Variants in FAM219A observed in about 807,000 individuals in gnomAD.
FAM219A encodes protein FAM219A.
FAM219A carries 7 observed loss-of-function variants against 23.4 expected under a neutral mutation model. The observed-to-expected ratio is 0.30, with a 90% CI of 0.17 to 0.56. FAM219A has a LOEUF of 0.56. Ranked by LOEUF, FAM219A falls within the 20% of genes least tolerant of loss-of-function variation. The probability of loss-of-function intolerance (pLI) is 0.92; values close to 1 mark genes in which losing one functional copy is unlikely to be tolerated. For missense variants in FAM219A, 166 were observed against 246.9 expected (o/e 0.67, Z 2.20); for synonymous variants, 93 against 99.0 (o/e 0.94, Z 0.36).
intron 1 of FAM219A, among the ~76,000 whole-genome samples, chr9:34,416,212 AAAGAAAGAAAGAAAGAAAG>A (rs1822002006): frequency 7.8e-6 from 1 of 127,958 alleles, no homozygotes; most frequent in Non-Finnish European, 1.7e-5. Flanking sequence ...AGAAAGAAAG[AAAGAAAGAAAGAAAGAAAG>A]AAAGAAAGAA....
chr9:34,455,252 C>G (rs7857444), intron 1 of FAM219A, among the ~76,000 whole-genome samples: 2,547 of 152,174 alleles, frequency 0.017, 66 homozygotes, highest in African/African-American at 0.056. Context: ...ATTGTTTAAA[C>G]TTTAAAGAGA....
Position 34,398,362 on chromosome 9 carries a change from C to T in FAM219A, c.*2602G>A. On this transcript the variant is annotated 3_prime_UTR_variant, in exon 6 of 6. Transcript: ENST00000651358. ...AAACCTGGCTGGGTGGCAGCCACAG[C>T]TGAGAGAGGAGGGAGTGTTAAGGCA... 6.4e-7 allele frequency: 1 copy of T among 1,550,586 alleles called. No individual in the cohort carries two copies. Among genetic ancestry groups the T allele is most frequent in the Non-Finnish European group, 8.7e-7 (1 of 1,146,914 alleles).
chr9:34,429,723 C>T (rs1384221745), intron 1 of FAM219A, among the ~76,000 whole-genome samples: 1 of 152,114 alleles, frequency 6.6e-6, no homozygotes, highest in African/African-American at 2.4e-5. Context: ...ACAACACCCA[C>T]CTCATGTCAA....
intron 1 of FAM219A, among the ~76,000 whole-genome samples, chr9:34,411,618 A>G (rs1357917260): frequency 1.3e-5 from 2 of 150,824 alleles, no homozygotes; most frequent in Non-Finnish European, 3.0e-5. Flanking sequence ...CGGAGCTTGC[A>G]GTGAGCCAAG....
rs372025870 is a variant in FAM219A at position 34,401,684 on chromosome 9, G to A, written c.381C>T (p.Ser127=). The A allele has an allele frequency of 4.2e-5, 68 of 1,608,502 alleles. 2 individuals are homozygous for A. Among genetic ancestry groups the A allele is most frequent in the East Asian group, 3.8e-4 (17 of 44,740 alleles). Residue 127 remains serine (S), a synonymous_variant, in exon 5 of 6, where the codon TCC becomes TCT. Coordinates refer to ENST00000651358, the MANE Select transcript of FAM219A (RefSeq NM_001184940.2). Reference sequence around the variant, plus strand: ...GGCTCACCTCAGCAGAGGAGTAGCCGGAGGAGGAGTATCTAGACATGTCAA... The same window carrying A: ...GGCTCACCTCAGCAGAGGAGTAGCCAGAGGAGGAGTATCTAGACATGTCAA... ...DDFDMSRYSS[S]GYSSAEQINQ... is the part of the protein sequence containing the mutation.
intron 1 of FAM219A, among the ~76,000 whole-genome samples, chr9:34,421,001 T>TGAGAGA (rs1330963914): frequency 0.012 from 704 of 60,508 alleles, 10 homozygotes; most frequent in African/African-American, 0.046. Context: ...TATGTGTGTG[T>TGAGAGA]GTGTGTGTGA....
chr9:34,447,495 GC>G (rs1485810568), intron 1 of FAM219A, among the ~76,000 whole-genome samples: 1 of 152,212 alleles, frequency 6.6e-6, no homozygotes, highest in East Asian at 1.9e-4. Flanking sequence ...GAATTTGGAA[GC>G]CAGTGTCCCG....
At chr9:34,443,163 C>T (rs1398950481) in intron 1 of FAM219A, among the ~76,000 whole-genome samples, 1 of 151,888 alleles carries the variant, frequency 6.6e-6, no homozygotes, top group Non-Finnish European at 1.5e-5. Flanking sequence ...CTCCTCTAGC[C>T]CACTGACATT....
chr9:34,407,333 G>A (rs10972095), intron 1 of FAM219A, among the ~76,000 whole-genome samples: 53,654 of 151,940 alleles, frequency 0.35, 9,896 homozygotes, highest in African/African-American at 0.46. Flanking sequence ...TTTGGTTGGA[G>A]AAAAGGTTCT....
chr9:34,411,505 A>G (rs1013584993), intron 1 of FAM219A, among the ~76,000 whole-genome samples: 2 of 151,936 alleles, frequency 1.3e-5, no homozygotes, highest in East Asian at 1.9e-4. Context: ...GTGAAACCCC[A>G]TCTCTACTAA....
intron 1 of FAM219A, among the ~76,000 whole-genome samples, chr9:34,454,438 AAG>A (rs941651065): frequency 6.6e-6 from 1 of 152,210 alleles, no homozygotes; most frequent in African/African-American, 2.4e-5. Context: ...TCCGTCTCAA[AAG>A]AGAGAGAAAA....
rs555905940 is a variant in FAM219A at position 34,417,909 on chromosome 9, A to C, written c.61-11945T>G. 3.1e-4 allele frequency among the ~76,000 whole-genome samples: 47 copies of C among 152,222 alleles called. No individual in the cohort carries two copies. The highest frequency in any genetic ancestry group is 1.5e-5 in the Non-Finnish European group (1 of 68,036). ...GAAGACTGGGAAGGGCTTTAAGTGG[A>C]GCACTGGCACTGCCTGGCAACTGGG... is the stretch of plus-strand genomic sequence containing the variant. On this transcript the variant is annotated intron_variant, in intron 1 of 5. Coordinates refer to ENST00000651358, the MANE Select transcript of FAM219A (RefSeq NM_001184940.2). The surrounding 1 kb of genome is among the most constrained non-coding windows in gnomAD (Gnocchi z 4.1).
chr9:34,433,335 A>G (rs1278294222), intron 1 of FAM219A, among the ~76,000 whole-genome samples: 1 of 152,172 alleles, frequency 6.6e-6, no homozygotes, highest in Non-Finnish European at 1.5e-5. Flanking sequence ...GAAACTAATC[A>G]TGAACCTAGA....
At chr9:34,410,530 G>T (rs945786416) in intron 1 of FAM219A, among the ~76,000 whole-genome samples, 1 of 152,166 alleles carries the variant, frequency 6.6e-6, no homozygotes, top group Non-Finnish European at 1.5e-5. Context: ...CTTGTAGAGG[G>T]TCTTGTAGTT....
chr9:34,403,911 A>G (rs1181014976), intron 2 of FAM219A, among the ~76,000 whole-genome samples: 2 of 152,182 alleles, frequency 1.3e-5, no homozygotes, highest in Non-Finnish European at 2.9e-5. Context: ...GCCAGTGCTC[A>G]GCTGATTCCA....
chr9:34,427,808 CA>C (rs1470884406), intron 1 of FAM219A, among the ~76,000 whole-genome samples: 1 of 152,188 alleles, frequency 6.6e-6, no homozygotes, highest in Non-Finnish European at 1.5e-5. Flanking sequence ...AGCCTCTGGT[CA>C]GGGGCTCAAA....
At chr9:34,434,757 G>C (rs1229579356) in intron 1 of FAM219A, among the ~76,000 whole-genome samples, 2 of 152,156 alleles carry the variant, frequency 1.3e-5, no homozygotes, top group Non-Finnish European at 2.9e-5. Context: ...TGGAACTGTA[G>C]GAGATCTCTC....
intron 1 of FAM219A, among the ~76,000 whole-genome samples, chr9:34,441,048 T>C (rs1423031291): frequency 1.3e-5 from 2 of 152,048 alleles, no homozygotes; most frequent in Non-Finnish European, 2.9e-5. Flanking sequence ...CATAGGTTTT[T>C]AAACTTGGCT....
At position 34,444,292 on chromosome 9, in the gene FAM219A, G is replaced by A. The variant is rs1823291155; in HGVS notation, c.60+13912C>T. Among the ~76,000 whole-genome samples the A allele has an allele frequency of 3.9e-5, 6 of 152,162 alleles. No homozygotes were observed. In the South Asian group the frequency reaches 1.2e-3, roughly 31 times the overall value. On this transcript the variant is annotated intron_variant, in intron 1 of 5. Transcript: ENST00000651358. The stretch of plus-strand genomic sequence containing the variant: ...AGAATGACCTATACATTTGGGTTTT[G>A]TGGTAAGGAGAAACCTATGCCTGAT...
Sources: gnomAD v4.1 joint callset for allele counts (sites outside exome capture counted in the v4.1 genomes callset) on GRCh38, gnomAD v4.1.1 for gene constraint, Gnocchi (gnomAD v3.1) non-coding constraint, MANE v1.5 for transcripts, NCBI Gene and HGNC (gene_info 2026-07-23, HGNC 2026-07-21) for gene names.